The following GUCY1A2 variants were observed in gnomAD, a reference collection of about 807,000 sequenced individuals.
GUCY1A2 encodes guanylate cyclase 1 soluble subunit alpha 2, also known as guanylate cyclase soluble subunit alpha-2.
GUCY1A2 carries 27 observed loss-of-function variants against 63.5 expected under a neutral mutation model. The ratio of observed to expected loss-of-function variants is 0.43; its 90% CI spans 0.31 to 0.59. The LOEUF is 0.59. Among genes scored for constraint, GUCY1A2 ranks in the 20% least tolerant of loss-of-function variants. The probability of loss-of-function intolerance (pLI) is 0.11; values close to 1 mark genes in which losing one functional copy is unlikely to be tolerated. For synonymous variants in GUCY1A2, 364 were observed against 343.5 expected (o/e 1.06, Z -0.66); for missense variants, 768 against 913.3 (o/e 0.84, Z 2.05).
chr11:106,777,087 C>G lies in GUCY1A2; in HGVS notation c.1693-505G>C, dbSNP rs1281957986. On this transcript the variant is annotated intron_variant, in intron 5 of 7. Transcript: ENST00000526355. ...GCCTAATGTTTCTTAAATATTCATA[C>G]CCCATACCATTGCGTCAACCACTTT... Among the ~76,000 whole-genome samples, 4 of 152,212 alleles carry G rather than the reference C, an allele frequency of 2.6e-5. 1 individual carries two copies. The highest frequency in any genetic ancestry group is 2.6e-4 in the Admixed American group (4 of 15,292).
chr11:106,729,622 T>A, intron 6 of GUCY1A2, among the ~76,000 whole-genome samples: 1 of 152,144 alleles, frequency 6.6e-6, no homozygotes, highest in East Asian at 1.9e-4. Flanking sequence ...GCCAGCTTAT[T>A]ATTGTAATAT....
intron 1 of GUCY1A2, among the ~76,000 whole-genome samples, chr11:106,995,197 A>G (rs1861519359): frequency 6.6e-6 from 1 of 152,234 alleles, no homozygotes; most frequent in Non-Finnish European, 1.5e-5. Context: ...ATTCACTGTA[A>G]TAGCAACCAG....
intron 4 of GUCY1A2, among the ~76,000 whole-genome samples, chr11:106,908,005 G>C (rs1420531744): frequency 6.6e-6 from 1 of 152,058 alleles, no homozygotes; most frequent in Non-Finnish European, 1.5e-5. Context: ...ATACAATAAT[G>C]AAAGAACTTT....
At chr11:107,014,941 A>G (rs947394829) in intron 1 of GUCY1A2, among the ~76,000 whole-genome samples, 6 of 152,246 alleles carry the variant, frequency 3.9e-5, no homozygotes, top group Admixed American at 2.6e-4. Flanking sequence ...GAGAGAATAG[A>G]GAGGACATAA....
intron 4 of GUCY1A2, among the ~76,000 whole-genome samples, chr11:106,861,927 A>G (rs933964616): frequency 6.6e-6 from 1 of 152,080 alleles, no homozygotes; most frequent in African/African-American, 2.4e-5. Flanking sequence ...ACTAATGGTG[A>G]AAAGAGGAAA....
intron 4 of GUCY1A2, among the ~76,000 whole-genome samples, chr11:106,844,309 T>C (rs1446492934): frequency 6.6e-6 from 1 of 151,842 alleles, no homozygotes; most frequent in Non-Finnish European, 1.5e-5. Flanking sequence ...CAGGAAAACA[T>C]TTCTGAAGGG....
chr11:106,826,637 C>T lies in GUCY1A2; in HGVS notation c.1207-16159G>A, dbSNP rs1387681338. 3 of 1,606,616 alleles carry T rather than the reference C, an allele frequency of 1.9e-6. No individual in the cohort carries two copies. The East Asian group carries it at 6.7e-5, about 36-fold the overall frequency. ...TGTGCATTGTATTTTCCCAGCAGTA[C>T]AACCTTATAGTTAAAAAATTTTGTC... On this transcript the variant is annotated intron_variant, in intron 4 of 7. Transcript: ENST00000526355.
intron 1 of GUCY1A2, among the ~76,000 whole-genome samples, chr11:106,991,765 G>A (rs1044647254): frequency 1.3e-5 from 2 of 152,188 alleles, no homozygotes; most frequent in Non-Finnish European, 2.9e-5. Context: ...GCTGCTTGAA[G>A]CATAAATACG....
At chr11:106,824,591 T>A (rs554464863) in intron 4 of GUCY1A2, among the ~76,000 whole-genome samples, 30 of 152,202 alleles carry the variant, frequency 2.0e-4, no homozygotes, top group Admixed American at 1.4e-3. Flanking sequence ...CTAAGGACAT[T>A]TGAGGTCTTT....
chr11:106,804,472 G>A (rs921258690), intron 5 of GUCY1A2, among the ~76,000 whole-genome samples: 3 of 152,114 alleles, frequency 2.0e-5, no homozygotes, highest in Non-Finnish European at 2.9e-5. Context: ...AATAACCTAA[G>A]TACCTAAGTA....
At position 106,826,778 on chromosome 11, in the gene GUCY1A2, T is replaced by C. The variant is rs1858976685; in HGVS notation, c.1207-16300A>G. 4 of 1,611,148 alleles carry C rather than the reference T, an allele frequency of 2.5e-6. No individual in the cohort carries two copies. In the Admixed American group the frequency reaches 5.0e-5, roughly 20 times the overall value. The stretch of plus-strand genomic sequence containing the variant: ...TGTCTAGCCTGGGTCCACAGCCTCA[T>C]CTGCTGCCAGACTGGGCTCAGCTGC... On this transcript the variant is annotated intron_variant, in intron 4 of 7. Coordinates refer to ENST00000526355, the MANE Select transcript of GUCY1A2 (RefSeq NM_000855.3).
chr11:106,729,552 A>G (rs1307833847), intron 6 of GUCY1A2, among the ~76,000 whole-genome samples: 2 of 152,132 alleles, frequency 1.3e-5, no homozygotes, highest in African/African-American at 4.8e-5. Flanking sequence ...CATTTTGTGG[A>G]AACTGCTCTT....
chr11:106,783,997 G>C (rs574922260), intron 5 of GUCY1A2, among the ~76,000 whole-genome samples: 1 of 152,276 alleles, frequency 6.6e-6, no homozygotes, highest in South Asian at 2.1e-4. Flanking sequence ...CCTTCAGAAA[G>C]TCCGTGGCAT....
intron 5 of GUCY1A2, among the ~76,000 whole-genome samples, chr11:106,803,189 G>T (rs1591283871): frequency 6.6e-6 from 1 of 152,048 alleles, no homozygotes; most frequent in African/African-American, 2.4e-5. Flanking sequence ...AGACATTTGG[G>T]GTTCAGTTTC....
In GUCY1A2 at chr11:106,826,816, C is replaced by A. The variant is rs1404037248; in HGVS notation, c.1207-16338G>T. 7.5e-6 allele frequency: 12 copies of A among 1,608,858 alleles called. No homozygotes were observed. The Admixed American group carries it at 2.0e-4, about 27-fold the overall frequency. On this transcript the variant is annotated intron_variant, in intron 4 of 7. Coordinates refer to ENST00000526355, the MANE Select transcript of GUCY1A2 (RefSeq NM_000855.3). ...TGGGCTCAGCTGCCAGGATGTAGTA[C>A]AGATGTCACCGGCAGCATAGATATC...
intron 4 of GUCY1A2, among the ~76,000 whole-genome samples, chr11:106,891,983 GA>G (rs1859981153): frequency 1.3e-5 from 2 of 152,170 alleles, no homozygotes; most frequent in Admixed American, 1.3e-4. Context: ...AGTGGGTAGA[GA>G]AATAGCATCT....
Position 106,678,933 on chromosome 11 carries a change from G to GTAA in GUCY1A2, c.*8613_*8615dup. 1 of 188,752 alleles carries GTAA rather than the reference G, an allele frequency of 5.3e-6. No homozygotes were observed. The highest frequency in any genetic ancestry group is 1.1e-5 in the Non-Finnish European group (1 of 89,734). The allele number at this position is 188,752 out of a possible 1,614,324, so 11.7% of individuals were successfully genotyped here. ...AATATAAAGTAAAAATCACTTAAAT[G>GTAA]TAATTCACAATTAAGTGTTATCATC... On this transcript the variant is annotated 3_prime_UTR_variant, in exon 8 of 8. Coordinates refer to ENST00000526355, the MANE Select transcript of GUCY1A2 (RefSeq NM_000855.3).
intron 4 of GUCY1A2, among the ~76,000 whole-genome samples, chr11:106,902,905 C>T (rs2119832810): frequency 6.6e-6 from 1 of 152,250 alleles, no homozygotes; most frequent in Non-Finnish European, 1.5e-5. Flanking sequence ...AGAACTTGAG[C>T]ATCCGTGGAT....
At chr11:106,867,742 G>A (rs1402832692) in intron 4 of GUCY1A2, among the ~76,000 whole-genome samples, 1 of 151,976 alleles carries the variant, frequency 6.6e-6, no homozygotes. Context: ...TGAATTTTTG[G>A]TGCAGATCAC....
Sources: gnomAD v4.1 joint callset for allele counts (sites outside exome capture counted in the v4.1 genomes callset) on GRCh38, gnomAD v4.1.1 for gene constraint, MANE v1.5 for transcripts, NCBI Gene and HGNC (gene_info 2026-07-23, HGNC 2026-07-21) for gene names.